The following CNTN6 variants were observed in gnomAD, a reference collection of about 807,000 sequenced individuals.
CNTN6 encodes contactin 6.
CNTN6 carries 137 observed loss-of-function variants against 122.8 expected under a neutral mutation model. The ratio of observed to expected loss-of-function variants is 1.12; its 90% confidence interval spans 0.97 to 1.29. CNTN6 has a LOEUF of 1.29. Ranked by LOEUF, CNTN6 falls within the 50% of genes most tolerant of loss-of-function variation. CNTN6 has a pLI of 0.00. For missense variants in CNTN6, 1,634 were observed against 1,223.4 expected (o/e 1.34, Z -5.01); for synonymous variants, 570 against 426.0 (o/e 1.34, Z -4.16).
At chr3:1,316,705 A>G (rs563155261) in intron 7 of CNTN6, among the ~76,000 whole-genome samples, 2 of 151,578 alleles carry the variant, frequency 1.3e-5, no homozygotes, top group South Asian at 4.2e-4. Context: ...ATAGTATTAT[A>G]CTAGTAAACC....
intron 7 of CNTN6, among the ~76,000 whole-genome samples, chr3:1,310,507 C>A (rs1450707425): frequency 6.6e-6 from 1 of 152,064 alleles, no homozygotes; most frequent in Non-Finnish European, 1.5e-5. Context: ...TGTTGCTGGA[C>A]ACAATTTGCT....
At chr3:1,207,833 T>G (rs1438493891) in intron 2 of CNTN6, among the ~76,000 whole-genome samples, 1 of 152,116 alleles carries the variant, frequency 6.6e-6, no homozygotes, top group Non-Finnish European at 1.5e-5. Context: ...CTCTCTCATC[T>G]TCTTTCATTC....
chr3:1,206,191 A>T (rs553877331), intron 2 of CNTN6, among the ~76,000 whole-genome samples: 3 of 152,222 alleles, frequency 2.0e-5, no homozygotes, highest in Admixed American at 6.5e-5. Context: ...ATACTTTCTC[A>T]TTCTCCTGAA....
intron 2 of CNTN6, among the ~76,000 whole-genome samples, chr3:1,188,384 T>C (rs1055067860): frequency 6.6e-6 from 1 of 152,230 alleles, no homozygotes; most frequent in African/African-American, 2.4e-5. Flanking sequence ...GTATTAAGGC[T>C]TTTAGAATTA....
chr3:1,196,821 G>A (rs1575193299), intron 2 of CNTN6, among the ~76,000 whole-genome samples: 1 of 152,116 alleles, frequency 6.6e-6, no homozygotes, highest in South Asian at 2.1e-4. Flanking sequence ...CATTATTGCA[G>A]GTCTTGGAGA....
chr3:1,116,345 A>C (rs555854726), intron 1 of CNTN6, among the ~76,000 whole-genome samples: 1 of 152,316 alleles, frequency 6.6e-6, no homozygotes, highest in South Asian at 2.1e-4. Flanking sequence ...TCATGAGGAA[A>C]ATTGTATCAA....
intron 5 of CNTN6, among the ~76,000 whole-genome samples, chr3:1,287,703 C>T (rs571320472): frequency 9.9e-5 from 15 of 152,272 alleles, no homozygotes; most frequent in African/African-American, 3.6e-4. Context: ...CTCTAATCAT[C>T]CACACTGCTC....
chr3:1,323,283 T>C lies in CNTN6; in HGVS notation c.946+1449T>C, dbSNP rs1328881079. ...AGTTAATTGTGCAGGATCTCACAGA[T>C]AGTGATTGTCAGATTCAAGATCAGA... is the stretch of plus-strand genomic sequence containing the variant. On this transcript the variant is annotated intron_variant, in intron 8 of 22. Transcript: ENST00000446702. Among the ~76,000 whole-genome samples the C allele has an allele frequency of 5.9e-5, 9 of 151,880 alleles. No individual in the cohort carries two copies. The South Asian group carries it at 1.2e-3, about 21-fold the overall frequency.
At chr3:1,320,367 T>A (rs1489185623) in intron 7 of CNTN6, among the ~76,000 whole-genome samples, 2 of 151,810 alleles carry the variant, frequency 1.3e-5, no homozygotes. Context: ...TTTTTTCCAA[T>A]AAAAATGTCT....
chr3:1,157,010 C>T (rs1301767312), intron 2 of CNTN6, among the ~76,000 whole-genome samples: 1 of 148,630 alleles, frequency 6.7e-6, no homozygotes, highest in South Asian at 2.1e-4. Flanking sequence ...GTCACTGCAC[C>T]TTGCCTCTTT....
chr3:1,373,548 C>T, intron 14 of CNTN6, 56 bp from the exon 15 acceptor site: 1 of 1,548,558 alleles, frequency 6.5e-7, no homozygotes, highest in Non-Finnish European at 8.8e-7. Context: ...ATCCTAGTAC[C>T]AAATTAATGA....
chr3:1,323,544 G>C (rs1229266939), intron 8 of CNTN6, among the ~76,000 whole-genome samples: 1 of 151,652 alleles, frequency 6.6e-6, no homozygotes, highest in African/African-American at 2.4e-5. Context: ...CCTCAGAGTT[G>C]AATAATAACT....
chr3:1,184,595 A>T (rs986375567), intron 2 of CNTN6, among the ~76,000 whole-genome samples: 1 of 152,222 alleles, frequency 6.6e-6, no homozygotes, highest in Non-Finnish European at 1.5e-5. Context: ...AAAAATTTAT[A>T]TAAAAATACT....
chr3:1,118,868 AAAAC>A (rs1441752165), intron 1 of CNTN6, among the ~76,000 whole-genome samples: 2 of 151,758 alleles, frequency 1.3e-5, no homozygotes, highest in African/African-American at 4.9e-5. Flanking sequence ...AAAAAAAAAA[AAAAC>A]AAACAAAACA....
chr3:1,212,204 C>G (rs896912293), intron 2 of CNTN6, among the ~76,000 whole-genome samples: 1 of 150,368 alleles, frequency 6.7e-6, no homozygotes, highest in Admixed American at 6.6e-5. Flanking sequence ...ATTTATTTTT[C>G]AGTGTCTACC....
At chr3:1,205,686 C>T (rs985997964) in intron 2 of CNTN6, among the ~76,000 whole-genome samples, 1 of 152,152 alleles carries the variant, frequency 6.6e-6, no homozygotes, top group Non-Finnish European at 1.5e-5. Context: ...TAAATGAACA[C>T]ATGAAAGATT....
intron 1 of CNTN6, among the ~76,000 whole-genome samples, chr3:1,137,869 C>T (rs577449132): frequency 6.6e-6 from 1 of 152,284 alleles, no homozygotes; most frequent in South Asian, 2.1e-4. Context: ...TGTTAAAATG[C>T]TCAGGGCTGA....
intron 1 of CNTN6, among the ~76,000 whole-genome samples, chr3:1,116,203 G>A (rs1052933347): frequency 6.6e-6 from 1 of 152,164 alleles, no homozygotes. Context: ...AGGATTAAGG[G>A]AAGTCCATTA....
At chr3:1,239,419 A>G (rs2094456734) in intron 4 of CNTN6, among the ~76,000 whole-genome samples, 2 of 143,868 alleles carry the variant, frequency 1.4e-5, no homozygotes, top group South Asian at 4.9e-4. Flanking sequence ...CCCTTTCACA[A>G]TATCTGCAAA....
Sources: gnomAD v4.1 joint callset for allele counts (sites outside exome capture counted in the v4.1 genomes callset) on GRCh38, gnomAD v4.1.1 for gene constraint, MANE v1.5 for transcripts, NCBI Gene and HGNC (gene_info 2026-07-23, HGNC 2026-07-21) for gene names.